KCNU1: variants seen among roughly 807,000 people sequenced by gnomAD.
KCNU1 encodes potassium channel subfamily U member 1.
Under a neutral mutation model 126.8 loss-of-function variants are expected in KCNU1, and 93 were observed. The observed-to-expected ratio is 0.73, with a 90% CI of 0.62 to 0.87. The LOEUF (loss-of-function observed/expected upper bound fraction) is 0.87. Among genes scored for constraint, KCNU1 ranks in the 40% least tolerant of loss-of-function variants. The pLI is 0.00. For missense variants in KCNU1, 1,330 were observed against 1,367.1 expected (o/e 0.97, Z 0.43); for synonymous variants, 523 against 494.2 (o/e 1.06, Z -0.77).
In KCNU1 at chr8:36,917,356, T is replaced by C. The variant is rs12234940; in HGVS notation, c.2522-1467T>C. On this transcript the variant is annotated intron_variant, in intron 22 of 26. Transcript: ENST00000399881. ...TTTCCCATTTTCCCCACCAACTTCT[T>C]TTTTTTTTTTTAAGCTAGGATCTCG... Among the ~76,000 whole-genome samples, 1,255 of 136,956 alleles carry C rather than the reference T, an allele frequency of 9.2e-3. 77 individuals are homozygous for C. In the East Asian group the frequency reaches 0.18, roughly 19 times the overall value. The allele number at this position is 136,956 out of a possible 152,430, so 89.8% of individuals were successfully genotyped here.
chr8:36,909,191 C>A, intron 20 of KCNU1, 120 bp from the exon 21 acceptor site: 1 of 690,148 alleles, frequency 1.4e-6, no homozygotes, highest in Non-Finnish European at 2.6e-6. Flanking sequence ...ATTCTATTCA[C>A]CTTATGAAAG....
chr8:36,804,094 T>A lies in KCNU1; in HGVS notation c.377+6T>A. On this transcript the variant is annotated splice_donor_region_variant and intron_variant, in intron 3 of 26. Transcript: ENST00000399881. ...TATTTCATCAATTCTGCTGAGTGAG[T>A]ACAATGTCCAGTCACACTTGTCTGC... 1 of 1,539,654 alleles carries A rather than the reference T, an allele frequency of 6.5e-7. No homozygotes were observed. The highest frequency in any genetic ancestry group is 8.8e-7 in the Non-Finnish European group (1 of 1,133,302).
chr8:36,839,637 G>A (rs879942613), intron 14 of KCNU1, among the ~76,000 whole-genome samples: 2 of 152,062 alleles, frequency 1.3e-5, no homozygotes, highest in Admixed American at 1.3e-4. Context: ...ACTGCATCAC[G>A]ACCATCTGAA....
chr8:36,835,498 C>T (rs1182956242), intron 12 of KCNU1, among the ~76,000 whole-genome samples: 3 of 151,936 alleles, frequency 2.0e-5, no homozygotes, highest in Admixed American at 6.6e-5. Context: ...TGTGCCACCA[C>T]GCCAGACTAA....
chr8:36,823,133 C>A (rs907586694), intron 10 of KCNU1, among the ~76,000 whole-genome samples: 2 of 152,060 alleles, frequency 1.3e-5, no homozygotes, highest in African/African-American at 4.8e-5. Flanking sequence ...AATACGCATT[C>A]AGAAGAAAGT....
At chr8:36,819,603 C>G (rs1047000866) in intron 10 of KCNU1, among the ~76,000 whole-genome samples, 1 of 152,012 alleles carries the variant, frequency 6.6e-6, no homozygotes, top group Admixed American at 6.6e-5. Flanking sequence ...TTTGTTTGTT[C>G]TTTGTGCTCC....
In KCNU1 at chr8:36,901,357, T is replaced by G. The variant is rs535441520; in HGVS notation, c.2010-4351T>G. ...GGCACAGGGTTTATTTATTTTTTCCTTTAACTGATAGGATTTATACAGGAT... is the reference window on the plus strand; with the variant it reads ...GGCACAGGGTTTATTTATTTTTTCCGTTAACTGATAGGATTTATACAGGAT... On this transcript the variant is annotated intron_variant, in intron 19 of 26. Transcript: ENST00000399881. Among the ~76,000 whole-genome samples, 9 of 152,266 alleles carry G rather than the reference T, an allele frequency of 5.9e-5. No individual in the cohort carries two copies. The South Asian group carries it at 1.9e-3, about 32-fold the overall frequency.
At position 36,786,820 on chromosome 8, in the gene KCNU1, A is replaced by G. The variant is rs140183717; in HGVS notation, c.196-486A>G. 4.5e-3 allele frequency among the ~76,000 whole-genome samples: 687 copies of G among 152,328 alleles called. 6 individuals carry two copies. The highest frequency in any genetic ancestry group is 0.027 in the Middle Eastern group (8 of 294). ...TGTGAGGAAGGATTATAATTTCAGAATATAACACCAGGCAAAAAACTAAGA... is the reference window on the plus strand; with the variant it reads ...TGTGAGGAAGGATTATAATTTCAGAGTATAACACCAGGCAAAAAACTAAGA... On this transcript the variant is annotated intron_variant, in intron 1 of 26. Transcript: ENST00000399881.
intron 4 of KCNU1, 133 bp downstream of exon 4, chr8:36,805,418 G>A (rs1388518916): frequency 1.6e-6 from 1 of 619,790 alleles, no homozygotes; most frequent in Non-Finnish European, 2.9e-6. Context: ...GCCCTAACTT[G>A]TTAAATATAT....
At chr8:36,840,767 G>A (rs956843828) in intron 15 of KCNU1, among the ~76,000 whole-genome samples, 165 bp from the exon 16 acceptor site, 1 of 152,192 alleles carries the variant, frequency 6.6e-6, no homozygotes, top group African/African-American at 2.4e-5. Flanking sequence ...TGGTGCAGTG[G>A]CTGTTGGTTA....
At chr8:36,806,418 A>G in intron 5 of KCNU1, 38 bp downstream of exon 5, 2 of 1,026,968 alleles carry the variant, frequency 1.9e-6, no homozygotes, top group East Asian at 2.5e-5. Context: ...ATATCTATGA[A>G]TAAAATAAAA....
chr8:36,824,786 T>G lies in KCNU1; in HGVS notation c.1106+7026T>G, dbSNP rs144375656. Reference sequence around the variant, plus strand: ...ATTTACCTCAATGTTATGTTTGTTATATTTATCCATATTGCAACTGGAAAT... The same window carrying G: ...ATTTACCTCAATGTTATGTTTGTTAGATTTATCCATATTGCAACTGGAAAT... On this transcript the variant is annotated intron_variant, in intron 10 of 26. Coordinates refer to ENST00000399881, the MANE Select transcript of KCNU1 (RefSeq NM_001031836.3). Among the ~76,000 whole-genome samples, 753 of 152,354 alleles carry G rather than the reference T, an allele frequency of 4.9e-3. 10 individuals carry two copies. Among genetic ancestry groups the G allele is most frequent in the African/African-American group, 0.017 (715 of 41,578 alleles).
At chr8:36,877,307 T>G (rs891106474) in intron 19 of KCNU1, among the ~76,000 whole-genome samples, 11 of 148,084 alleles carry the variant, frequency 7.4e-5, no homozygotes, top group African/African-American at 2.7e-4. Context: ...TTTCCTCTGT[T>G]TTTTTTTTTT....
chr8:36,869,783 GT>G lies in KCNU1; in HGVS notation c.2009+5265del, dbSNP rs1360489510. Reference sequence around the variant, plus strand: ...AGTGAAAATACAGCAAGTGAAAAATGTTTCATGCTGTTGTTGTCATTGTATT... The same window carrying G: ...AGTGAAAATACAGCAAGTGAAAAATGTTCATGCTGTTGTTGTCATTGTATT... On this transcript the variant is annotated intron_variant, in intron 19 of 26. Transcript: ENST00000399881. 2.0e-5 allele frequency among the ~76,000 whole-genome samples: 3 copies of G among 152,250 alleles called. No individual in the cohort carries two copies. In the East Asian group the frequency reaches 5.8e-4, roughly 29 times the overall value.
chr8:36,864,286 T>C (rs1805824484), intron 18 of KCNU1, 118 bp from the exon 19 acceptor site: 1 of 695,880 alleles, frequency 1.4e-6, no homozygotes, highest in African/African-American at 1.8e-5. Context: ...AGGCTGTAGC[T>C]GAGACTCCCC....
chr8:36,808,854 A>G lies in KCNU1; in HGVS notation c.732+61A>G, dbSNP rs919283564. 5.8e-6 allele frequency: 7 copies of G among 1,198,226 alleles called. No individual in the cohort carries two copies. In the African/African-American group the frequency reaches 1.1e-4, roughly 18 times the overall value. The allele number at this position is 1,198,226 out of a possible 1,614,324, so 74.2% of individuals were successfully genotyped here. ...TGTTACCAGCATCCATTTTTTGAAA[A>G]ATGGAAGGGAACCTGCTGAGCCCCT... On this transcript the variant is annotated intron_variant, in intron 7 of 26. Coordinates refer to ENST00000399881, the MANE Select transcript of KCNU1 (RefSeq NM_001031836.3).
chr8:36,809,132 C>T (rs1444365215), intron 7 of KCNU1, among the ~76,000 whole-genome samples: 1 of 152,010 alleles, frequency 6.6e-6, no homozygotes, highest in African/African-American at 2.4e-5. Context: ...GGAAATGAAG[C>T]CAGTTACAGG....
At chr8:36,857,734 C>G (rs533667520) in intron 18 of KCNU1, among the ~76,000 whole-genome samples, 1 of 152,152 alleles carries the variant, frequency 6.6e-6, no homozygotes, top group African/African-American at 2.4e-5. Context: ...CAAGCTCCAC[C>G]TCCCGGGTTA....
At chr8:36,918,628 C>A (rs998731577) in intron 22 of KCNU1, among the ~76,000 whole-genome samples, 195 bp from the exon 23 acceptor site, 2 of 151,822 alleles carry the variant, frequency 1.3e-5, no homozygotes, top group African/African-American at 2.4e-5. Context: ...ACTCCCCTCC[C>A]CACATTTATC....
Sources: allele counts gnomAD v4.1 joint callset (sites outside exome capture counted in the v4.1 genomes callset), GRCh38; gene constraint gnomAD v4.1.1; transcripts MANE v1.5; gene names NCBI Gene and HGNC (gene_info 2026-07-23, HGNC 2026-07-21).